RGS7: variants seen among roughly 807,000 people sequenced by gnomAD.
The protein encoded by RGS7 is regulator of G protein signaling 7, also known as regulator of G-protein signaling 7.
RGS7 carries 27 observed loss-of-function variants against 81.1 expected under a neutral mutation model. The observed-to-expected ratio is 0.33, with a 90% CI of 0.25 to 0.46. RGS7 has a LOEUF of 0.46. Among genes scored for constraint, RGS7 ranks in the 20% least tolerant of loss-of-function variants. The probability of loss-of-function intolerance (pLI) is 1.00; values close to 1 mark genes in which losing one functional copy is unlikely to be tolerated. For missense variants in RGS7, 396 were observed against 607.4 expected (o/e 0.65, Z 3.66); for synonymous variants, 208 against 207.7 (o/e 1.00, Z -0.01).
chr1:240,988,706 C>T (rs1686023279), intron 3 of RGS7, among the ~76,000 whole-genome samples: 1 of 152,208 alleles, frequency 6.6e-6, no homozygotes, highest in Non-Finnish European at 1.5e-5. Context: ...TGAACTCCAG[C>T]CCAGCTACAG....
intron 18 of RGS7, among the ~76,000 whole-genome samples, chr1:240,798,824 T>G (rs889081008): frequency 1.3e-5 from 2 of 152,184 alleles, no homozygotes; most frequent in Non-Finnish European, 2.9e-5. Context: ...TTTACTATTT[T>G]CCCCTATTCC....
intron 4 of RGS7, among the ~76,000 whole-genome samples, chr1:240,968,379 C>G (rs1253480976): frequency 6.6e-6 from 1 of 152,158 alleles, no homozygotes; most frequent in Non-Finnish European, 1.5e-5. Flanking sequence ...ACACAAATCA[C>G]AATCTGAGCA....
At chr1:240,874,641 T>C (rs1371657067) in intron 6 of RGS7, among the ~76,000 whole-genome samples, 2 of 152,226 alleles carry the variant, frequency 1.3e-5, no homozygotes, top group African/African-American at 4.8e-5. Context: ...TATATTGTGC[T>C]ACGTGATGTT....
chr1:241,234,462 C>G (rs1431678080), intron 2 of RGS7, among the ~76,000 whole-genome samples: 2 of 151,970 alleles, frequency 1.3e-5, no homozygotes, highest in Non-Finnish European at 2.9e-5. Context: ...CAATGCATAT[C>G]TTGTTTTTCT....
At chr1:241,323,176 C>T (rs949592253) in intron 2 of RGS7, among the ~76,000 whole-genome samples, 1 of 152,156 alleles carries the variant, frequency 6.6e-6, no homozygotes, top group Non-Finnish European at 1.5e-5. Context: ...AACATGAAGG[C>T]ATCTGATTTT....
chr1:241,257,509 CCAGT>C (rs2077108884), intron 2 of RGS7, among the ~76,000 whole-genome samples: 1 of 152,116 alleles, frequency 6.6e-6, no homozygotes, highest in South Asian at 2.1e-4. Flanking sequence ...CCAAAATTAA[CCAGT>C]CAATGAAATA....
intron 14 of RGS7, among the ~76,000 whole-genome samples, chr1:240,806,556 TA>T (rs1688879904): frequency 1.4e-5 from 2 of 147,736 alleles, no homozygotes; most frequent in African/African-American, 2.4e-5. Context: ...AAAAATATTT[TA>T]AAAATATAAA....
intron 10 of RGS7, among the ~76,000 whole-genome samples, chr1:240,826,009 G>A (rs138973533): frequency 3.9e-5 from 6 of 152,260 alleles, no homozygotes; most frequent in Admixed American, 2.6e-4. Context: ...TTGGAGAGCC[G>A]ATAGCATTTT....
chr1:241,071,488 T>C (rs1413465629), intron 3 of RGS7, among the ~76,000 whole-genome samples: 1 of 79,310 alleles, frequency 1.3e-5, no homozygotes, highest in Non-Finnish European at 2.5e-5. Context: ...GTCAGGCCTA[T>C]GTTTAAGTGT....
At chr1:240,967,535 C>T (rs1006398990) in intron 4 of RGS7, among the ~76,000 whole-genome samples, 1 of 145,396 alleles carries the variant, frequency 6.9e-6, no homozygotes, top group African/African-American at 2.6e-5. Flanking sequence ...AAGCAGTGCC[C>T]TTGGCTAGGG....
At chr1:240,872,609 T>C (rs1318401017) in intron 6 of RGS7, among the ~76,000 whole-genome samples, 2 of 152,296 alleles carry the variant, frequency 1.3e-5, no homozygotes, top group Non-Finnish European at 2.9e-5. Flanking sequence ...CCAGACACAG[T>C]TGCTGTATGA....
At chr1:241,153,349 G>A (rs147106500) in intron 2 of RGS7, among the ~76,000 whole-genome samples, 112 of 152,272 alleles carry the variant, frequency 7.4e-4, no homozygotes, top group Non-Finnish European at 1.4e-3. Flanking sequence ...TTTAACATGA[G>A]TAATCATTGC....
intron 2 of RGS7, among the ~76,000 whole-genome samples, chr1:241,317,648 G>A (rs2080961359): frequency 6.6e-6 from 1 of 152,138 alleles, no homozygotes; most frequent in African/African-American, 2.4e-5. Context: ...AATTTGGGGA[G>A]GAAAGATCAT....
At position 240,868,021 on chromosome 1, in the gene RGS7, AAGAAAAGAAAAGAAG is replaced by A. The variant is rs1663641788; in HGVS notation, c.609+551_609+565del. On this transcript the variant is annotated intron_variant, in intron 9 of 18. Coordinates refer to ENST00000440928, the MANE Select transcript of RGS7 (RefSeq NM_001364886.1). The surrounding 1 kb of genome is among the most constrained non-coding windows in gnomAD (Gnocchi z 5.1). The stretch of plus-strand genomic sequence containing the variant: ...ATAAAAAAAGAGAGAGAGAGAAAGA[AAGAAAAGAAAAGAAG>A]AGAAAAGAAAGAAAGAAAGAAAGAA... Among the ~76,000 whole-genome samples, 1 of 151,602 alleles carries A rather than the reference AAGAAAAGAAAAGAAG, an allele frequency of 6.6e-6. No homozygotes were observed. The highest frequency in any genetic ancestry group is 1.5e-5 in the Non-Finnish European group (1 of 67,936).
chr1:241,221,522 A>G (rs2075013094), intron 2 of RGS7, among the ~76,000 whole-genome samples: 1 of 152,200 alleles, frequency 6.6e-6, no homozygotes, highest in Non-Finnish European at 1.5e-5. Flanking sequence ...CTACCCATAC[A>G]TGACTGTGAT....
intron 2 of RGS7, among the ~76,000 whole-genome samples, chr1:241,218,002 A>G (rs888446772): frequency 3.9e-5 from 6 of 152,196 alleles, no homozygotes; most frequent in Admixed American, 2.6e-4. Context: ...AGAATCAAAT[A>G]TCTGGTGAAA....
At chr1:241,194,927 T>C (rs975155804) in intron 2 of RGS7, among the ~76,000 whole-genome samples, 2 of 152,172 alleles carry the variant, frequency 1.3e-5, no homozygotes, top group Non-Finnish European at 2.9e-5. Flanking sequence ...ACTTAGGATA[T>C]CACTCTGCAA....
Position 240,923,787 on chromosome 1 carries a change from G to T in RGS7, c.385+6930C>A, listed in dbSNP as rs142257481. ...AAAGCACTGCAATGTTTTAGATAAAGAAATAAATAATGTCTACTTTTAGAA... is the reference window on the plus strand; with the variant it reads ...AAAGCACTGCAATGTTTTAGATAAATAAATAAATAATGTCTACTTTTAGAA... On this transcript the variant is annotated intron_variant, in intron 6 of 18. Transcript: ENST00000440928. Among the ~76,000 whole-genome samples the T allele has an allele frequency of 4.6e-3, 695 of 151,236 alleles. 8 individuals carry two copies. The highest frequency in any genetic ancestry group is 0.016 in the African/African-American group (658 of 41,308).
intron 2 of RGS7, among the ~76,000 whole-genome samples, chr1:241,257,539 T>G (rs1368439633): frequency 6.6e-6 from 1 of 152,164 alleles, no homozygotes; most frequent in Non-Finnish European, 1.5e-5. Context: ...TTGAAAAAAT[T>G]TGCAACACTG....
Sources: gnomAD v4.1 joint callset for allele counts (sites outside exome capture counted in the v4.1 genomes callset) on GRCh38, gnomAD v4.1.1 for gene constraint, Gnocchi (gnomAD v3.1) non-coding constraint, MANE v1.5 for transcripts, NCBI Gene and HGNC (gene_info 2026-07-23, HGNC 2026-07-21) for gene names.